HPS5: variants seen among roughly 807,000 people sequenced by gnomAD.
The protein encoded by HPS5 is BLOC-2 complex member HPS5.
HPS5 carries 83 observed loss-of-function variants against 128.0 expected under a neutral mutation model. The observed-to-expected ratio is 0.65, with a 90% CI of 0.54 to 0.78. The LOEUF (loss-of-function observed/expected upper bound fraction) is 0.78, where lower values mean the gene tolerates loss of function less well. Ranked by LOEUF, HPS5 falls within the 30% of genes least tolerant of loss-of-function variation. The pLI, the probability that HPS5 is intolerant of heterozygous loss-of-function variation, is 0.00. For synonymous variants in HPS5, 475 were observed against 470.2 expected (o/e 1.01, Z -0.13); for missense variants, 1,281 against 1,326.2 (o/e 0.97, Z 0.53).
chr11:18,299,448 AT>A, intron 9 of HPS5, among the ~76,000 whole-genome samples: 1 of 152,342 alleles, frequency 6.6e-6, no homozygotes, highest in African/African-American at 2.4e-5. Flanking sequence ...TACTTAAGAA[AT>A]TTAAGCCACA....
chr11:18,280,746 T>A (rs1053370963), intron 22 of HPS5: 7 of 535,072 alleles, frequency 1.3e-5, no homozygotes, highest in South Asian at 2.6e-5. Context: ...ACAACATGGA[T>A]AAACCTTTAG....
intron 9 of HPS5, among the ~76,000 whole-genome samples, chr11:18,300,287 A>T (rs1209507762): frequency 3.3e-5 from 5 of 152,230 alleles, no homozygotes; most frequent in Non-Finnish European, 7.3e-5. Context: ...CAATTAAAAA[A>T]TAAATAAAAT....
At chr11:18,314,175 CTCAGCTATGAT>C (rs1159007455) in intron 2 of HPS5, among the ~76,000 whole-genome samples, 3 of 152,162 alleles carry the variant, frequency 2.0e-5, no homozygotes, top group Non-Finnish European at 4.4e-5. Flanking sequence ...TGTGCTATGA[CTCAGCTATGAT>C]GCCTGTGAAT....
chr11:18,312,356 G>T (rs1268217898), intron 2 of HPS5, among the ~76,000 whole-genome samples: 2 of 152,168 alleles, frequency 1.3e-5, no homozygotes, highest in East Asian at 1.9e-4. Flanking sequence ...TACAACAATG[G>T]AAGACCAAGG....
At chr11:18,304,809 C>T (rs566662351) in intron 8 of HPS5, among the ~76,000 whole-genome samples, 288 of 152,300 alleles carry the variant, frequency 1.9e-3, no homozygotes, top group African/African-American at 6.1e-3. Flanking sequence ...GGAAATCATA[C>T]ACTGGTACTC....
intron 1 of HPS5, 142 bp from the exon 2 acceptor site, chr11:18,318,049 C>A: frequency 1.6e-6 from 1 of 640,206 alleles, no homozygotes. Flanking sequence ...AAGGTAACAT[C>A]GTATGCCACA....
intron 13 of HPS5, 47 bp from the exon 14 acceptor site, chr11:18,295,216 T>C (rs1318055636): frequency 2.5e-6 from 4 of 1,573,854 alleles, no homozygotes; most frequent in East Asian, 4.6e-5. Context: ...AACTTATTAC[T>C]GAGAAAACTC....
intron 15 of HPS5, 102 bp from the exon 16 acceptor site, chr11:18,292,121 C>A: frequency 1.2e-6 from 1 of 828,948 alleles, no homozygotes. Flanking sequence ...ACATACTCAT[C>A]TGGAATAAAC....
rs985068428 is a variant in HPS5 at position 18,311,954 on chromosome 11, T to C, written c.179A>G (p.Gln60Arg). 5 of 1,614,014 alleles carry C rather than the reference T, an allele frequency of 3.1e-6. No individual in the cohort carries two copies. In the African/African-American group the frequency reaches 6.7e-5, roughly 22 times the overall value. The stretch of plus-strand genomic sequence containing the variant: ...AAGCCTGTGCTTCCAGCCTTCTTTC[T>C]GAATGAGATGGAGTCCTCCTCCTGA... Reference protein sequence around the residue: ...GSSGGGLHLIQKEGWKHRLFL... With the variant: ...GSSGGGLHLIRKEGWKHRLFL... The change falls in exon 3 of 23, where the codon CAG becomes CGG. Residue 60 changes from glutamine (Q) to arginine (R), a missense_variant. By Grantham distance (43) the Gln-to-Arg change is conservative. Coordinates refer to ENST00000349215, the MANE Select transcript of HPS5 (RefSeq NM_181507.2).
rs1450800374 is a variant in HPS5, at chr11:18,291,430, T to A, written c.2440+12A>T. The A allele has an allele frequency of 6.5e-7, 1 of 1,527,626 alleles. No homozygotes were observed. The highest frequency in any genetic ancestry group is 1.1e-5 in the South Asian group (1 of 88,662). 94.6% of individuals were successfully genotyped at this position (1,527,626 alleles called of 1,614,324 possible). On this transcript the variant is annotated intron_variant, in intron 16 of 22. Transcript: ENST00000349215. ...CGAATTTCTATCTTTGATAAGGCAA[T>A]CTGAGTATTACCTTTCAATCCTTCA...
chr11:18,279,977 G>A (rs1393319150), intron 22 of HPS5, 35 bp from the exon 23 acceptor site: 1 of 1,595,738 alleles, frequency 6.3e-7, no homozygotes, highest in African/African-American at 1.3e-5. Context: ...AGCAAATTTA[G>A]TTGTCATTGT....
At chr11:18,297,479 G>C (rs1379082321) in intron 11 of HPS5, 80 bp downstream of exon 11, 2 of 1,329,922 alleles carry the variant, frequency 1.5e-6, no homozygotes, top group African/African-American at 1.5e-5. Context: ...AACAAATTTG[G>C]GGATCCTAGA....
chr11:18,287,721 TA>T (rs764390566), intron 17 of HPS5, 31 bp from the exon 18 acceptor site: 11 of 1,612,404 alleles, frequency 6.8e-6, no homozygotes, highest in Non-Finnish European at 6.8e-6. Context: ...CTTTAGTCTC[TA>T]ATTTCAGTGA....
chr11:18,319,391 G>A (rs988994258), intron 1 of HPS5, among the ~76,000 whole-genome samples: 1 of 151,890 alleles, frequency 6.6e-6, no homozygotes, highest in Non-Finnish European at 1.5e-5. Context: ...ACGCTCTAAG[G>A]AAAGTAGTAC....
In HPS5 at chr11:18,311,904, T is replaced by A. The variant is rs369658487; in HGVS notation, c.219+10A>T. The A allele has an allele frequency of 1.0e-5, 16 of 1,565,388 alleles. No individual in the cohort carries two copies. The highest frequency in any genetic ancestry group is 1.4e-5 in the African/African-American group (1 of 73,914). ...CAAATGGTGTATGACAGAGCTGCCC[T>A]TAATCTTACCCTGTGTGAAAGAAAA... On this transcript the variant is annotated intron_variant, in intron 3 of 22. Transcript: ENST00000349215.
rs984535870 is a variant in HPS5 at position 18,298,405 on chromosome 11, G to A, written c.1164+387C>T. Among the ~76,000 whole-genome samples, 11 of 152,198 alleles carry A rather than the reference G, an allele frequency of 7.2e-5. No homozygotes were observed. In the South Asian group the frequency reaches 1.0e-3, roughly 14 times the overall value. On this transcript the variant is annotated intron_variant, in intron 10 of 22. Coordinates refer to ENST00000349215, the MANE Select transcript of HPS5 (RefSeq NM_181507.2). Reference sequence around the variant, plus strand: ...AGCTACTCAGGAGGCTGAGACACGCGAATTGCTTGAACCCAGGAGGCAGAG... The same window carrying A: ...AGCTACTCAGGAGGCTGAGACACGCAAATTGCTTGAACCCAGGAGGCAGAG...
rs1590046469 is a variant in HPS5, at chr11:18,283,390, C to T, written c.3058+405G>A. 1.3e-5 allele frequency among the ~76,000 whole-genome samples: 2 copies of T among 151,370 alleles called. 1 individual carries two copies. Among genetic ancestry groups the T allele is most frequent in the African/African-American group, 4.9e-5 (2 of 41,222 alleles). On this transcript the variant is annotated intron_variant, in intron 21 of 22. Transcript: ENST00000349215. The stretch of plus-strand genomic sequence containing the variant: ...TGGAGGAAGTCCTTGGTCTGAACCC[C>T]AGCTCCAGCATTTACAATTAGTAGC...
At chr11:18,283,932 TA>T in intron 20 of HPS5, 31 bp from the exon 21 acceptor site, 1 of 1,469,396 alleles carries the variant, frequency 6.8e-7, no homozygotes. Context: ...AAGAAAGGAA[TA>T]AAAGGCCATG....
Position 18,311,442 on chromosome 11 carries a change from T to C in HPS5, c.229A>G (p.Ile77Val), listed in dbSNP as rs180813484. Residue 77 changes from isoleucine (I) to valine (V), a missense_variant, in exon 4 of 23, where the codon ATT becomes GTT. By Grantham distance (29) the Ile-to-Val change is conservative. Transcript: ENST00000349215. ...TGTAAACAACAGGCGACTTGAGAAATTGCACCTTCCTAGAGCACAAAAGAA... is the reference window on the plus strand; with the variant it reads ...TGTAAACAACAGGCGACTTGAGAAACTGCACCTTCCTAGAGCACAAAAGAA... The part of the protein sequence containing the change: ...RLFLSHREGA[I>V]SQVACCLHDD... The C allele has an allele frequency of 5.7e-5, 91 of 1,602,780 alleles. No homozygotes were observed. Among genetic ancestry groups the C allele is most frequent in the Admixed American group, 2.5e-4 (15 of 59,432 alleles).
Sources: gnomAD v4.1 joint callset for allele counts (sites outside exome capture counted in the v4.1 genomes callset) on GRCh38, gnomAD v4.1.1 for gene constraint, MANE v1.5 for transcripts, NCBI Gene and HGNC (gene_info 2026-07-23, HGNC 2026-07-21) for gene names.